The following PCDH15 variants were observed in gnomAD, a reference collection of about 807,000 sequenced individuals.
PCDH15 encodes protocadherin related 15.
In PCDH15, 129 loss-of-function variants were observed where a neutral mutation model predicts 178.5. The observed-to-expected ratio is 0.72, with a 90% CI of 0.63 to 0.84. The LOEUF is 0.84. Ranked by LOEUF, PCDH15 falls within the 40% of genes least tolerant of loss-of-function variation. PCDH15 has a pLI of 0.00. For missense variants in PCDH15, 2,230 were observed against 2,099.9 expected, an observed-to-expected ratio of 1.06 and a Z score of -1.21; for synonymous variants, 800 against 732.0, an observed-to-expected ratio of 1.09 and a Z score of -1.50.
chr10:55,370,557 C>T (rs995385755), intron 2 of PCDH15, among the ~76,000 whole-genome samples: 13 of 152,098 alleles, frequency 8.5e-5, no homozygotes, highest in African/African-American at 3.1e-4. Flanking sequence ...AGTACCCTTT[C>T]TTAATTATAA....
intron 18 of PCDH15, among the ~76,000 whole-genome samples, chr10:54,045,561 T>C (rs1216595381): frequency 2.0e-5 from 3 of 151,926 alleles, no homozygotes; most frequent in Non-Finnish European, 2.9e-5. Context: ...ACCAACACAA[T>C]AGAATAGAGA....
chr10:55,248,324 G>A (rs1289025315), intron 1 of PCDH15, among the ~76,000 whole-genome samples: 1 of 151,860 alleles, frequency 6.6e-6, no homozygotes, highest in Non-Finnish European at 1.5e-5. Flanking sequence ...AATACATTTT[G>A]AGAGTTGTAA....
chr10:54,593,197 T>C (rs2091989493), intron 2 of PCDH15, among the ~76,000 whole-genome samples: 1 of 152,178 alleles, frequency 6.6e-6, no homozygotes, highest in Non-Finnish European at 1.5e-5. Context: ...TTCTATACTT[T>C]TGTTTTTGTT....
intron 1 of PCDH15, among the ~76,000 whole-genome samples, chr10:55,279,783 G>C (rs932031301): frequency 3.9e-5 from 6 of 152,248 alleles, no homozygotes; most frequent in African/African-American, 1.4e-4. Flanking sequence ...TAAGGACTGA[G>C]CCCATGAGTG....
At chr10:54,125,514 A>C (rs2132943832) in intron 15 of PCDH15, among the ~76,000 whole-genome samples, 1 of 152,348 alleles carries the variant, frequency 6.6e-6, no homozygotes, top group African/African-American at 2.4e-5. Context: ...CCTTATAGGT[A>C]GATGTACTTT....
chr10:55,216,699 C>A (rs904692069), intron 1 of PCDH15, among the ~76,000 whole-genome samples: 1 of 151,788 alleles, frequency 6.6e-6, no homozygotes, highest in Non-Finnish European at 1.5e-5. Flanking sequence ...ACATGTTGTA[C>A]TCCATAAATC....
chr10:54,979,772 G>T (rs1038869473), intron 2 of PCDH15, among the ~76,000 whole-genome samples: 5 of 149,390 alleles, frequency 3.3e-5, no homozygotes, highest in African/African-American at 1.2e-4. Context: ...CCATAAAAAA[G>T]AACAAAATCT....
intron 2 of PCDH15, among the ~76,000 whole-genome samples, chr10:55,489,702 A>G (rs1840371953): frequency 6.6e-6 from 1 of 151,582 alleles, no homozygotes. Flanking sequence ...ATGGTCTTCT[A>G]TTTTTCTGCC....
chr10:55,209,211 T>G (rs1477256517), intron 1 of PCDH15, among the ~76,000 whole-genome samples: 2 of 151,984 alleles, frequency 1.3e-5, no homozygotes, highest in East Asian at 3.9e-4. Context: ...TGGAGGCTGG[T>G]GGAATGTGTA....
intron 3 of PCDH15, among the ~76,000 whole-genome samples, chr10:54,498,063 G>T (rs2080300577): frequency 6.6e-6 from 1 of 151,872 alleles, no homozygotes; most frequent in South Asian, 2.1e-4. Context: ...ATACAGAGGG[G>T]AAGGCAACAT....
At chr10:54,622,631 T>C (rs1188040559) in intron 2 of PCDH15, among the ~76,000 whole-genome samples, 2 of 41,660 alleles carry the variant, frequency 4.8e-5, no homozygotes, top group African/African-American at 2.0e-4. Context: ...ATATATAATA[T>C]ATATTATATA....
chr10:55,542,441 G>C (rs1841785909), intron 2 of PCDH15, among the ~76,000 whole-genome samples: 1 of 150,676 alleles, frequency 6.6e-6, no homozygotes, highest in Admixed American at 6.6e-5. Context: ...TACAGTATAT[G>C]TAATATATGT....
intron 3 of PCDH15, among the ~76,000 whole-genome samples, chr10:54,524,512 G>A (rs576782217): frequency 1.2e-4 from 18 of 152,310 alleles, no homozygotes; most frequent in Non-Finnish European, 2.4e-4. Flanking sequence ...CTCTGATGTG[G>A]CTGGCACTCA....
At chr10:54,513,529 T>A (rs897306683) in intron 3 of PCDH15, among the ~76,000 whole-genome samples, 27 of 152,130 alleles carry the variant, frequency 1.8e-4, no homozygotes, top group African/African-American at 6.5e-4. Flanking sequence ...AAAAACATCT[T>A]ATTGAACACA....
At chr10:54,133,340 C>A (rs1160965159) in intron 14 of PCDH15, among the ~76,000 whole-genome samples, 1 of 152,122 alleles carries the variant, frequency 6.6e-6, no homozygotes, top group Non-Finnish European at 1.5e-5. Flanking sequence ...ATAGCAAAAT[C>A]ATTCTATAAA....
At chr10:54,888,452 G>T (rs1954401066) in intron 3 of PCDH15, among the ~76,000 whole-genome samples, 1 of 151,736 alleles carries the variant, frequency 6.6e-6, no homozygotes, top group East Asian at 1.9e-4. Flanking sequence ...GTTCTTGGTG[G>T]ACATTTTGGT....
rs564635392 is a variant in PCDH15, at chr10:54,988,422, C to T, written c.-79-90922G>A. ...TCGGAGGGCTCAGAAGAAGACAAGA[C>T]GTGGGAAAGTTTGGAACTTCCTAGA... On this transcript the variant is annotated intron_variant, in intron 2 of 5. Transcript: ENST00000458638. Among the ~76,000 whole-genome samples the T allele has an allele frequency of 7.9e-5, 12 of 152,142 alleles. No individual in the cohort carries two copies. In the South Asian group the frequency reaches 1.0e-3, roughly 13 times the overall value.
chr10:54,103,128 C>T (rs1010030441), intron 15 of PCDH15, among the ~76,000 whole-genome samples: 2 of 152,168 alleles, frequency 1.3e-5, no homozygotes, highest in Non-Finnish European at 1.5e-5. Context: ...TAAACTGGCT[C>T]AACTCTGGAA....
upstream of PCDH15, among the ~76,000 whole-genome samples, chr10:55,321,521 C>T (rs1431761273): frequency 6.6e-6 from 1 of 152,038 alleles, no homozygotes; most frequent in Non-Finnish European, 1.5e-5. Context: ...CAAAATACTA[C>T]ACAAAAAGAC....
Sources: allele counts gnomAD v4.1 joint callset (sites outside exome capture counted in the v4.1 genomes callset), GRCh38; gene constraint gnomAD v4.1.1; transcripts MANE v1.5; gene names NCBI Gene and HGNC (gene_info 2026-07-23, HGNC 2026-07-21).